The following PKP4 variants were observed in gnomAD, a reference collection of about 807,000 sequenced individuals.
PKP4 encodes the protein plakophilin-4.
In PKP4, 90 loss-of-function variants were observed where a neutral mutation model predicts 145.1. The ratio of observed to expected loss-of-function variants is 0.62; its 90% CI spans 0.52 to 0.74. The LOEUF is 0.74. PKP4 is among the 30% of genes least tolerant of loss of function. The pLI is 0.00. For synonymous variants in PKP4, 563 were observed against 577.2 expected (o/e 0.98, Z 0.35); for missense variants, 1,340 against 1,482.7 (o/e 0.90, Z 1.58).
At chr2:158,558,573 C>T (rs2046280859) in intron 2 of PKP4, among the ~76,000 whole-genome samples, 1 of 151,862 alleles carries the variant, frequency 6.6e-6, no homozygotes, top group Non-Finnish European at 1.5e-5. Context: ...GGTTAGTAAC[C>T]TTGGAGAGAA....
intron 1 of PKP4, among the ~76,000 whole-genome samples, chr2:158,479,329 T>C (rs574163582): frequency 6.6e-6 from 1 of 152,258 alleles, no homozygotes; most frequent in Admixed American, 6.5e-5. Context: ...GATTAAGCGA[T>C]GCTTCCACCT....
intron 4 of PKP4, among the ~76,000 whole-genome samples, chr2:158,614,443 T>G (rs925318835): frequency 1.3e-5 from 2 of 152,192 alleles, no homozygotes; most frequent in Non-Finnish European, 2.9e-5. Flanking sequence ...ATGAAATGGA[T>G]GCATGAGTTT....
chr2:158,593,344 A>G (rs2049435342), intron 3 of PKP4, among the ~76,000 whole-genome samples: 1 of 152,170 alleles, frequency 6.6e-6, no homozygotes, highest in Admixed American at 6.5e-5. Flanking sequence ...GTCACTTGAA[A>G]TATTAGAAAA....
At chr2:158,650,549 G>A (rs1574968774) in intron 11 of PKP4, among the ~76,000 whole-genome samples, 2 of 152,116 alleles carry the variant, frequency 1.3e-5, no homozygotes, top group African/African-American at 4.8e-5. Context: ...TCCCAACTGG[G>A]GACAAATTTC....
intron 2 of PKP4, among the ~76,000 whole-genome samples, chr2:158,542,825 CACA>C (rs2044640754): frequency 6.6e-6 from 1 of 152,058 alleles, no homozygotes; most frequent in African/African-American, 2.4e-5. Flanking sequence ...CTGCTGCTAC[CACA>C]ACAGGAAACA....
intron 1 of PKP4, among the ~76,000 whole-genome samples, chr2:158,478,717 A>G (rs1234356553): frequency 6.6e-6 from 1 of 152,254 alleles, no homozygotes; most frequent in Non-Finnish European, 1.5e-5. Flanking sequence ...GATGAACACT[A>G]ATGATAATTA....
At chr2:158,576,869 A>T (rs188575775) in intron 2 of PKP4, among the ~76,000 whole-genome samples, 3 of 152,250 alleles carry the variant, frequency 2.0e-5, no homozygotes, top group Admixed American at 6.5e-5. Context: ...ATATTTTTTT[A>T]AACTATGCTG....
intron 3 of PKP4, among the ~76,000 whole-genome samples, chr2:158,582,835 T>G (rs1413587147): frequency 6.6e-6 from 1 of 152,192 alleles, no homozygotes; most frequent in Non-Finnish European, 1.5e-5. Context: ...CACTACAGCT[T>G]GGCTCCAGGA....
At chr2:158,500,471 G>C (rs1041850932) in intron 1 of PKP4, among the ~76,000 whole-genome samples, 1 of 152,206 alleles carries the variant, frequency 6.6e-6, no homozygotes, top group African/African-American at 2.4e-5. Flanking sequence ...CACAAAGCCT[G>C]CTCTGTTTAT....
intron 2 of PKP4, among the ~76,000 whole-genome samples, chr2:158,538,603 G>C (rs566188066): frequency 2.0e-5 from 3 of 147,242 alleles, no homozygotes; most frequent in African/African-American, 5.0e-5. Context: ...GCAGTGGTGC[G>C]ATCTTGGCTC....
At chr2:158,571,806 G>A (rs1399344565) in intron 2 of PKP4, among the ~76,000 whole-genome samples, 1 of 152,136 alleles carries the variant, frequency 6.6e-6, no homozygotes, top group African/African-American at 2.4e-5. Context: ...CCTGCTTTCA[G>A]TGTTACGTGA....
chr2:158,522,690 G>A (rs561283545), intron 1 of PKP4, among the ~76,000 whole-genome samples: 26 of 152,340 alleles, frequency 1.7e-4, no homozygotes, highest in Admixed American at 7.2e-4. Context: ...CGCAGAAGAC[G>A]GGTGATTTCT....
Position 158,551,160 on chromosome 2 carries a change from A to G in PKP4, c.132+17844A>G, listed in dbSNP as rs150390218. Among the ~76,000 whole-genome samples the G allele has an allele frequency of 2.3e-3, 349 of 152,356 alleles. 2 individuals are homozygous for G. Among genetic ancestry groups the G allele is most frequent in the African/African-American group, 7.8e-3 (323 of 41,588 alleles). ...CGTGGAAAAGAATAGTAAGAATCCT[A>G]TCAGACCTGTGGTCTTTGGGTCAAC... On this transcript the variant is annotated intron_variant, in intron 2 of 21. Coordinates refer to ENST00000389759, the MANE Select transcript of PKP4 (RefSeq NM_003628.6).
intron 3 of PKP4, among the ~76,000 whole-genome samples, chr2:158,579,956 A>G (rs1486230814): frequency 1.3e-5 from 2 of 152,138 alleles, no homozygotes; most frequent in Non-Finnish European, 2.9e-5. Flanking sequence ...AAATTATAAA[A>G]TATTTTGGAA....
rs1335190574 is a variant in PKP4, at chr2:158,632,083, A to G, written c.1342+142A>G. ...TAAGCAGCTGTGACAGCAGATCAAT[A>G]AGCAATAAAACAGGTTCATTTAGTA... On this transcript the variant is annotated intron_variant, in intron 8 of 21. Coordinates refer to ENST00000389759, the MANE Select transcript of PKP4 (RefSeq NM_003628.6). The G allele has an allele frequency of 1.0e-5, 7 of 677,812 alleles. 1 individual carries two copies. Among genetic ancestry groups the G allele is most frequent in the Admixed American group, 2.7e-5 (1 of 36,536 alleles). The allele number at this position is 677,812 out of a possible 1,614,324, so 42.0% of individuals were successfully genotyped here.
chr2:158,651,055 A>C (rs2055316455), intron 11 of PKP4, among the ~76,000 whole-genome samples: 1 of 152,162 alleles, frequency 6.6e-6, no homozygotes, highest in Non-Finnish European at 1.5e-5. Context: ...TTTCCTCAGC[A>C]TTTATCCAGA....
intron 4 of PKP4, among the ~76,000 whole-genome samples, chr2:158,610,835 C>T (rs2051077939): frequency 6.6e-6 from 1 of 152,174 alleles, no homozygotes; most frequent in South Asian, 2.1e-4. Context: ...CCAGCTCTTC[C>T]TAGCACATTA....
At chr2:158,560,184 A>G (rs996958587) in intron 2 of PKP4, among the ~76,000 whole-genome samples, 4 of 152,174 alleles carry the variant, frequency 2.6e-5, no homozygotes, top group Non-Finnish European at 4.4e-5. Flanking sequence ...ATATTTTGCT[A>G]TCTGCAGGCT....
intron 2 of PKP4, among the ~76,000 whole-genome samples, chr2:158,554,310 T>A (rs912854881): frequency 2.0e-5 from 3 of 152,174 alleles, no homozygotes; most frequent in Admixed American, 2.0e-4. Flanking sequence ...CAGGCTCTGG[T>A]AGGGCAGTCC....
Sources: allele counts gnomAD v4.1 joint callset (sites outside exome capture counted in the v4.1 genomes callset), GRCh38; gene constraint gnomAD v4.1.1; transcripts MANE v1.5; gene names NCBI Gene and HGNC (gene_info 2026-07-23, HGNC 2026-07-21).